ZDHHC24: variants seen among roughly 807,000 people sequenced by gnomAD.
The protein encoded by ZDHHC24 is zDHHC palmitoyltransferase 24.
In ZDHHC24, 17 loss-of-function variants were observed where a neutral mutation model predicts 23.2. That is an observed-to-expected ratio of 0.73 (90% confidence interval 0.50 to 1.10). The LOEUF is 1.10. Ranked by LOEUF, ZDHHC24 falls within the 50% of genes least tolerant of loss-of-function variation. The pLI is 0.00. For synonymous variants in ZDHHC24, 186 were observed against 194.5 expected (o/e 0.96, Z 0.36); for missense variants, 366 against 393.0 (o/e 0.93, Z 0.58).
intron 4 of ZDHHC24, chr11:66,523,999 GC>G: frequency 6.9e-7 from 1 of 1,446,726 alleles, no homozygotes; most frequent in Non-Finnish European, 9.5e-7. Flanking sequence ...ATTTGTTGAG[GC>G]CAGGCACAGT....
intron 2 of ZDHHC24, among the ~76,000 whole-genome samples, chr11:66,541,137 C>T (rs1260773998): frequency 6.6e-6 from 1 of 152,184 alleles, no homozygotes; most frequent in East Asian, 1.9e-4. Context: ...TGTGGTGGCT[C>T]ATGCCTGTAA....
At position 66,539,183 on chromosome 11, in the gene ZDHHC24, G is replaced by A; in HGVS notation, c.*346C>T. On this transcript the variant is annotated 3_prime_UTR_variant, in exon 3 of 3. Transcript: ENST00000310442. ...ACCCTCAGGCATCCTGCAGTTTCCAGGCCCTACAGAGGGTCCCAGAAACAG... is the reference window on the plus strand; with the variant it reads ...ACCCTCAGGCATCCTGCAGTTTCCAAGCCCTACAGAGGGTCCCAGAAACAG... 2.0e-6 allele frequency: 2 copies of A among 1,012,406 alleles called. No individual in the cohort carries two copies. Among genetic ancestry groups the A allele is most frequent in the Non-Finnish European group, 2.4e-6 (2 of 843,896 alleles). The allele number at this position is 1,012,406 out of a possible 1,614,324, so 62.7% of individuals were successfully genotyped here. A position where few individuals can be genotyped will look rare whatever the true frequency, so the allele number is the denominator to read the frequency against.
chr11:66,528,882 C>T (rs919616559), intron 3 of ZDHHC24, among the ~76,000 whole-genome samples: 13 of 146,582 alleles, frequency 8.9e-5, no homozygotes, highest in African/African-American at 2.5e-4. Flanking sequence ...GCAGGAGAAT[C>T]GATTGAACCC....
chr11:66,529,436 A>G (rs1187034727), exon 3 of ZDHHC24: 1 of 858,830 alleles, frequency 1.2e-6, no homozygotes, highest in Non-Finnish European at 1.9e-6. Context: ...TCGAGCGTGG[A>G]CACCAAGGAC....
At chr11:66,534,006 TA>T, downstream of ZDHHC24, among the ~76,000 whole-genome samples, 1 of 151,372 alleles carries the variant, frequency 6.6e-6, no homozygotes, top group Non-Finnish European at 1.5e-5. Flanking sequence ...CTGTCTCTAC[TA>T]AAAATACAAA....
chr11:66,541,608 T>C (rs1431479961), intron 2 of ZDHHC24, among the ~76,000 whole-genome samples: 1 of 144,620 alleles, frequency 6.9e-6, no homozygotes, highest in Non-Finnish European at 1.5e-5. Flanking sequence ...GAGGGGGGAA[T>C]GGCACCTAGA....
intron 2 of ZDHHC24, 39 bp from the exon 3 acceptor site, chr11:66,539,863 G>A (rs779418912): frequency 1.3e-6 from 2 of 1,507,002 alleles, no homozygotes; most frequent in Middle Eastern, 2.4e-4. Flanking sequence ...GAGGGGCAGT[G>A]GGGTCCGGCT....
chr11:66,539,276 C>A lies in ZDHHC24; in HGVS notation c.*253G>T. The A allele has an allele frequency of 8.2e-7, 1 of 1,222,852 alleles. No individual in the cohort carries two copies. Among genetic ancestry groups the A allele is most frequent in the Non-Finnish European group, 1.0e-6 (1 of 982,146 alleles). 75.8% of individuals were successfully genotyped at this position (1,222,852 alleles called of 1,614,324 possible). A position where few individuals can be genotyped will look rare whatever the true frequency, so the allele number is the denominator to read the frequency against. ...AGGGAGGCTGAGAAACAAGTCAGTGCTTTATTAACCTGGCAAAGGGGCAGC... is the reference window on the plus strand; with the variant it reads ...AGGGAGGCTGAGAAACAAGTCAGTGATTTATTAACCTGGCAAAGGGGCAGC... On this transcript the variant is annotated 3_prime_UTR_variant, in exon 3 of 3. Coordinates refer to ENST00000310442, the MANE Select transcript of ZDHHC24 (RefSeq NM_207340.3).
intron 4 of ZDHHC24, among the ~76,000 whole-genome samples, chr11:66,525,396 TTACAAA>T (rs1352530621): frequency 1.4e-5 from 2 of 145,072 alleles, no homozygotes. Flanking sequence ...AAATAAATAA[TTACAAA>T]TACAAATAGA....
In ZDHHC24 at chr11:66,523,715, C is replaced by A. The variant is rs755942584; in HGVS notation, c.*22-2249G>T. 28 of 1,610,694 alleles carry A rather than the reference C, an allele frequency of 1.7e-5. No homozygotes were observed. Among genetic ancestry groups the A allele is most frequent in the Non-Finnish European group, 2.1e-5 (25 of 1,179,998 alleles). ...GAGCCCTCCACAGACGCTGGCTGTT[C>A]CCTGCCAGGGGAAGAAGCTGTGGAC... On this transcript the variant is annotated intron_variant, in intron 4 of 4. Coordinates refer to the ZDHHC24 transcript ENST00000526986.
chr11:66,521,318 G>C lies in ZDHHC24; in HGVS notation c.*170C>G, dbSNP rs779297419. On this transcript the variant is annotated 3_prime_UTR_variant, in exon 5 of 5. Transcript: ENST00000526986. ...CTTCCTAGAGGTTTCTGGCCAGTTT[G>C]ATGTTGAGTTCCGGCTTGCCGCGGC... The C allele has an allele frequency of 1.1e-5, 18 of 1,614,134 alleles. No homozygotes were observed. In the East Asian group the frequency reaches 3.6e-4, roughly 32 times the overall value.
At chr11:66,531,173 C>G (rs1330863623), downstream of ZDHHC24, 1 of 1,185,886 alleles carries the variant, frequency 8.4e-7, no homozygotes, top group Non-Finnish European at 1.2e-6. Context: ...CACCACAGAC[C>G]AGGCCAAGGC....
chr11:66,532,205 G>A, downstream of ZDHHC24: 1 of 709,060 alleles, frequency 1.4e-6, no homozygotes, highest in Non-Finnish European at 2.3e-6. Flanking sequence ...TATAGTAGCA[G>A]GTTAGTGAGT....
chr11:66,541,953 G>C (rs1163657490), intron 2 of ZDHHC24, among the ~76,000 whole-genome samples: 1 of 151,806 alleles, frequency 6.6e-6, no homozygotes, highest in Non-Finnish European at 1.5e-5. Flanking sequence ...GGGAGGGTTT[G>C]TCCAAGGTGG....
downstream of ZDHHC24, chr11:66,521,010 C>T (rs973933980): frequency 1.4e-5 from 7 of 496,300 alleles, no homozygotes; most frequent in East Asian, 2.7e-4. Context: ...TGGGCCACCA[C>T]ACCCAGCTGC....
chr11:66,535,493 C>T (rs1477481319), downstream of ZDHHC24, among the ~76,000 whole-genome samples: 1 of 151,924 alleles, frequency 6.6e-6, no homozygotes, highest in Non-Finnish European at 1.5e-5. Flanking sequence ...TGCCCAGCCC[C>T]CATTAATTTT....
chr11:66,526,261 A>G, intron 4 of ZDHHC24: 2 of 1,480,682 alleles, frequency 1.4e-6, no homozygotes, highest in Non-Finnish European at 1.9e-6. Flanking sequence ...TTCTGGGGAA[A>G]GAGGAGGAGG....
At chr11:66,521,309 G>A in exon 5 of ZDHHC24, 1 of 1,614,238 alleles carries the variant, frequency 6.2e-7, no homozygotes, top group Non-Finnish European at 8.5e-7. Flanking sequence ...AGAGGTTTCT[G>A]GCCAGTTTGA....
Position 66,539,334 on chromosome 11 carries a change from C to T in ZDHHC24, c.*195G>A. ...CCTGAGCAGCCCCTGCCAGACCCTC[C>T]TCTGCACTCCTCTGCCTAAGTCACG... On this transcript the variant is annotated 3_prime_UTR_variant, in exon 3 of 3. Coordinates refer to ENST00000310442, the MANE Select transcript of ZDHHC24 (RefSeq NM_207340.3). 1 of 1,299,666 alleles carries T rather than the reference C, an allele frequency of 7.7e-7. No individual in the cohort carries two copies. Among genetic ancestry groups the T allele is most frequent in the African/African-American group, 1.5e-5 (1 of 65,602 alleles). The allele number at this position is 1,299,666 out of a possible 1,614,324, so 80.5% of individuals were successfully genotyped here.
Sources: gnomAD v4.1 joint callset for allele counts (sites outside exome capture counted in the v4.1 genomes callset) on GRCh38, gnomAD v4.1.1 for gene constraint, MANE v1.5 for transcripts, NCBI Gene and HGNC (gene_info 2026-07-23, HGNC 2026-07-21) for gene names.